Variants in HS3ST4 observed in about 807,000 individuals in gnomAD.
The protein encoded by HS3ST4 is heparan sulfate-glucosamine 3-sulfotransferase 4, also known as heparan sulfate glucosamine 3-O-sulfotransferase 4.
A neutral mutation model predicts 29.2 loss-of-function variants in HS3ST4; 17 were observed. The observed-to-expected ratio is 0.58, with a 90% CI of 0.40 to 0.87. HS3ST4 has a LOEUF of 0.87. Ranked by LOEUF, HS3ST4 falls within the 40% of genes least tolerant of loss-of-function variation. The pLI is 0.00. For synonymous variants in HS3ST4, 314 were observed against 285.7 expected (o/e 1.10, Z -1.00); for missense variants, 627 against 634.5 (o/e 0.99, Z 0.13).
intron 1 of HS3ST4, among the ~76,000 whole-genome samples, chr16:25,885,930 GC>G (rs1426150151): frequency 2.0e-5 from 3 of 151,154 alleles, no homozygotes; most frequent in Non-Finnish European, 4.4e-5. Flanking sequence ...AAAGTTAGGT[GC>G]TAAAGACCAA....
chr16:25,720,030 C>G (rs1336742633), intron 1 of HS3ST4, among the ~76,000 whole-genome samples: 1 of 151,982 alleles, frequency 6.6e-6, no homozygotes, highest in Non-Finnish European at 1.5e-5. Flanking sequence ...AGATAATAAA[C>G]AGGTAAATTT....
intron 1 of HS3ST4, among the ~76,000 whole-genome samples, chr16:26,076,786 A>C (rs1898669582): frequency 6.6e-6 from 1 of 152,212 alleles, no homozygotes; most frequent in Non-Finnish European, 1.5e-5. Flanking sequence ...GGCACTCTGA[A>C]TTCCTTAGAA....
chr16:25,952,029 A>G (rs1015155402), intron 1 of HS3ST4, among the ~76,000 whole-genome samples: 2 of 152,246 alleles, frequency 1.3e-5, no homozygotes, highest in African/African-American at 4.8e-5. Context: ...TTTGTAGTAC[A>G]TGAAAATCAT....
chr16:26,067,646 T>C (rs1377972880), intron 1 of HS3ST4, among the ~76,000 whole-genome samples: 1 of 152,158 alleles, frequency 6.6e-6, no homozygotes, highest in African/African-American at 2.4e-5. Context: ...ATTAGGGAAG[T>C]TCAGCTTTCT....
chr16:26,018,387 G>A (rs1453345511), intron 1 of HS3ST4, among the ~76,000 whole-genome samples: 1 of 152,120 alleles, frequency 6.6e-6, no homozygotes, highest in African/African-American at 2.4e-5. Context: ...CTGGTTGTGG[G>A]AATTCAGAGG....
At chr16:25,946,115 T>A (rs1280096019) in intron 1 of HS3ST4, among the ~76,000 whole-genome samples, 1 of 152,188 alleles carries the variant, frequency 6.6e-6, no homozygotes, top group Non-Finnish European at 1.5e-5. Context: ...GAAACTCATT[T>A]CTTGTGCATC....
At chr16:25,712,613 G>A (rs1253659996) in intron 1 of HS3ST4, among the ~76,000 whole-genome samples, 3 of 152,010 alleles carry the variant, frequency 2.0e-5, no homozygotes, top group Admixed American at 1.3e-4. Flanking sequence ...GTATTAGAAG[G>A]CAGTACGGAT....
At chr16:25,804,763 A>G (rs1966973800) in intron 1 of HS3ST4, among the ~76,000 whole-genome samples, 1 of 152,106 alleles carries the variant, frequency 6.6e-6, no homozygotes, top group African/African-American at 2.4e-5. Context: ...CTAGGGTTTT[A>G]TCCTGTCCTC....
At chr16:25,784,735 G>A (rs1034327898) in intron 1 of HS3ST4, among the ~76,000 whole-genome samples, 2 of 152,186 alleles carry the variant, frequency 1.3e-5, no homozygotes, top group African/African-American at 4.8e-5. Flanking sequence ...ATAAAAATGC[G>A]AGGTAAAGCA....
intron 1 of HS3ST4, among the ~76,000 whole-genome samples, chr16:25,695,078 G>T (rs976072768): frequency 6.6e-6 from 1 of 152,210 alleles, no homozygotes; most frequent in African/African-American, 2.4e-5. Context: ...TACCTTGTTT[G>T]ACGTGGCTCC....
intron 1 of HS3ST4, among the ~76,000 whole-genome samples, chr16:25,802,149 A>C (rs1188601821): frequency 1.3e-5 from 2 of 152,094 alleles, no homozygotes. Context: ...GATATTTTAG[A>C]AGCTGATGAG....
At chr16:26,109,054 A>T (rs937810554) in intron 1 of HS3ST4, among the ~76,000 whole-genome samples, 1 of 152,204 alleles carries the variant, frequency 6.6e-6, no homozygotes, top group African/African-American at 2.4e-5. Flanking sequence ...TGAGGCCTAA[A>T]TTAAGTGTGG....
At chr16:26,019,457 G>A (rs1037237042) in intron 1 of HS3ST4, among the ~76,000 whole-genome samples, 6 of 152,058 alleles carry the variant, frequency 3.9e-5, no homozygotes, top group Admixed American at 1.3e-4. Context: ...TTATGGTAAC[G>A]ACTCTGCATT....
intron 1 of HS3ST4, among the ~76,000 whole-genome samples, chr16:26,056,326 G>A (rs557661908): frequency 6.6e-6 from 1 of 152,284 alleles, no homozygotes; most frequent in South Asian, 2.1e-4. Flanking sequence ...TGCAAGAATG[G>A]CTGTCTTAAG....
chr16:25,828,301 C>CTTTCTCTCTTTCTTTCTTTCCCTCT (rs1555467593), intron 1 of HS3ST4, among the ~76,000 whole-genome samples: 1 of 32,882 alleles, frequency 3.0e-5, no homozygotes, highest in Non-Finnish European at 5.5e-5. Context: ...TCTTTCTTTC[C>CTTTCTCTCTTTCTTTCTTTCCCTCT]CTCTCTCTCT....
At chr16:26,135,468 A>G (rs1348770006) in intron 1 of HS3ST4, 144 bp from the exon 2 acceptor site, 5 of 767,782 alleles carry the variant, frequency 6.5e-6, no homozygotes, top group Non-Finnish European at 1.0e-5. Context: ...GTCAGGAGAT[A>G]TAGGTAAGAA....
chr16:25,911,709 A>G (rs1193861394), intron 1 of HS3ST4, among the ~76,000 whole-genome samples: 2 of 151,560 alleles, frequency 1.3e-5, no homozygotes, highest in Admixed American at 1.3e-4. Context: ...GGACCTCTCT[A>G]TGTTGCCCAG....
intron 1 of HS3ST4, among the ~76,000 whole-genome samples, chr16:25,999,700 CA>C (rs1969188304): frequency 6.9e-6 from 1 of 145,588 alleles, no homozygotes; most frequent in South Asian, 2.1e-4. Flanking sequence ...TATGGGTTCT[CA>C]AAAATTCACA....
chr16:26,129,393 T>TGA (rs1899388742), intron 1 of HS3ST4, among the ~76,000 whole-genome samples: 1 of 152,250 alleles, frequency 6.6e-6, no homozygotes, highest in African/African-American at 2.4e-5. Flanking sequence ...GGCTATGGTG[T>TGA]CAGACAGACT....
Sources: gnomAD v4.1 joint callset for allele counts (sites outside exome capture counted in the v4.1 genomes callset) on GRCh38, gnomAD v4.1.1 for gene constraint, MANE v1.5 for transcripts, NCBI Gene and HGNC (gene_info 2026-07-23, HGNC 2026-07-21) for gene names.